The following CNTNAP2 variants were observed in gnomAD, a reference collection of about 807,000 sequenced individuals.
CNTNAP2 encodes contactin-associated protein-like 2.
In CNTNAP2, 98 loss-of-function variants were observed where a neutral mutation model predicts 155.2. That is an observed-to-expected ratio of 0.63 (90% CI 0.54 to 0.75). The LOEUF is 0.75. Ranked by LOEUF, CNTNAP2 falls within the 30% of genes least tolerant of loss-of-function variation. CNTNAP2 has a pLI of 0.00. For missense variants in CNTNAP2, 1,727 were observed against 1,688.1 expected (o/e 1.02, Z -0.40); for synonymous variants, 651 against 631.2 (o/e 1.03, Z -0.47).
At chr7:147,450,026 G>A (rs1385074339) in intron 10 of CNTNAP2, among the ~76,000 whole-genome samples, 3 of 152,102 alleles carry the variant, frequency 2.0e-5, no homozygotes, top group Non-Finnish European at 4.4e-5. Context: ...CCCCAACCAA[G>A]GGTGTCCTGT....
At chr7:146,913,612 C>A (rs569477289) in intron 3 of CNTNAP2, among the ~76,000 whole-genome samples, 1 of 152,132 alleles carries the variant, frequency 6.6e-6, no homozygotes. Flanking sequence ...GCACAGAGCT[C>A]AAAGAAGCAA....
chr7:146,553,917 A>T (rs969502200), intron 1 of CNTNAP2, among the ~76,000 whole-genome samples: 16 of 152,044 alleles, frequency 1.1e-4, no homozygotes, highest in African/African-American at 3.9e-4. Flanking sequence ...AAATGATGTG[A>T]TTTTTTCTTT....
rs919441761 is a variant in CNTNAP2, at chr7:148,118,539, G to A, written c.2554+251G>A. The stretch of plus-strand genomic sequence containing the variant: ...TCAAGAAGATGAGAGAGAACACACC[G>A]CCCTGAGAATGTGGGAGAGGAATGT... On this transcript the variant is annotated intron_variant, in intron 16 of 23. Transcript: ENST00000361727. Among the ~76,000 whole-genome samples the A allele has an allele frequency of 9.2e-5, 14 of 152,258 alleles. No homozygotes were observed. In the East Asian group the frequency reaches 9.7e-4, roughly 11 times the overall value.
intron 10 of CNTNAP2, among the ~76,000 whole-genome samples, chr7:147,398,849 A>T (rs1187779982): frequency 6.6e-6 from 1 of 150,874 alleles, no homozygotes; most frequent in Non-Finnish European, 1.5e-5. Flanking sequence ...GGAAGGAGAG[A>T]TGACAAACTC....
chr7:147,334,671 G>A (rs1439601122), intron 9 of CNTNAP2, among the ~76,000 whole-genome samples: 2 of 152,148 alleles, frequency 1.3e-5, no homozygotes, highest in African/African-American at 2.4e-5. Flanking sequence ...CTGAGAAGGA[G>A]CCAGTGAGAT....
intron 4 of CNTNAP2, among the ~76,000 whole-genome samples, chr7:147,101,518 C>T (rs368715592): frequency 1.3e-5 from 2 of 152,206 alleles, no homozygotes; most frequent in East Asian, 3.9e-4. Flanking sequence ...GGGTGACAGC[C>T]TTTTATACCC....
At chr7:147,140,362 A>ACTGC (rs113437379) in intron 8 of CNTNAP2, among the ~76,000 whole-genome samples, 1,755 of 152,044 alleles carry the variant, frequency 0.012, 35 homozygotes, top group African/African-American at 0.04. Flanking sequence ...ATATTGGAGT[A>ACTGC]CTGCTCACCT....
chr7:147,745,462 A>G (rs1797022924), intron 13 of CNTNAP2, among the ~76,000 whole-genome samples: 1 of 152,212 alleles, frequency 6.6e-6, no homozygotes, highest in Non-Finnish European at 1.5e-5. Context: ...CAACCTACAC[A>G]TCCCTGTCAA....
chr7:147,365,451 G>A (rs919855294), intron 9 of CNTNAP2, among the ~76,000 whole-genome samples: 2 of 143,824 alleles, frequency 1.4e-5, no homozygotes, highest in Non-Finnish European at 3.0e-5. Flanking sequence ...CGTTCCTATT[G>A]TTTCTGGCTA....
intron 1 of CNTNAP2, among the ~76,000 whole-genome samples, chr7:146,357,493 A>G (rs554436923): frequency 1.4e-3 from 214 of 152,218 alleles, no homozygotes; most frequent in African/African-American, 5.0e-3. Context: ...CATCTTATAG[A>G]TAAGATATAC....
chr7:146,348,524 C>A (rs1393012359), intron 1 of CNTNAP2, among the ~76,000 whole-genome samples: 1 of 151,908 alleles, frequency 6.6e-6, no homozygotes, highest in Non-Finnish European at 1.5e-5. Flanking sequence ...CTAAATAGTC[C>A]CCAAAGTGTA....
chr7:146,187,506 T>C (rs1004031460), intron 1 of CNTNAP2, among the ~76,000 whole-genome samples: 2 of 152,232 alleles, frequency 1.3e-5, no homozygotes, highest in African/African-American at 4.8e-5. Context: ...TATCACAGAA[T>C]CAAATCCCAT....
chr7:148,339,923 C>T (rs529668001), intron 21 of CNTNAP2, among the ~76,000 whole-genome samples: 24 of 151,324 alleles, frequency 1.6e-4, no homozygotes, highest in Admixed American at 1.5e-3. Context: ...GGTCACTGCA[C>T]GGGGAGCAAG....
intron 1 of CNTNAP2, among the ~76,000 whole-genome samples, chr7:146,276,999 A>G (rs1176123865): frequency 6.6e-6 from 1 of 152,216 alleles, no homozygotes; most frequent in Non-Finnish European, 1.5e-5. Context: ...AAAGATTTAA[A>G]GATGAGATCA....
At chr7:146,797,673 G>C (rs1225645775) in intron 2 of CNTNAP2, among the ~76,000 whole-genome samples, 1 of 152,194 alleles carries the variant, frequency 6.6e-6, no homozygotes, top group Non-Finnish European at 1.5e-5. Context: ...TTCAGAGATA[G>C]AAAGATGCTA....
intron 3 of CNTNAP2, among the ~76,000 whole-genome samples, chr7:146,896,489 T>C (rs1007506510): frequency 6.6e-6 from 1 of 152,118 alleles, no homozygotes; most frequent in East Asian, 1.9e-4. Context: ...AACTATTTTT[T>C]AAATATTTCT....
At chr7:147,283,576 T>C (rs1805103087) in intron 8 of CNTNAP2, among the ~76,000 whole-genome samples, 1 of 151,834 alleles carries the variant, frequency 6.6e-6, no homozygotes, top group Non-Finnish European at 1.5e-5. Context: ...AATAAGAAAA[T>C]GATAATTACT....
intron 13 of CNTNAP2, among the ~76,000 whole-genome samples, chr7:147,696,364 T>G (rs1334128509): frequency 2.0e-5 from 3 of 152,216 alleles, no homozygotes; most frequent in African/African-American, 7.2e-5. Flanking sequence ...TTTTTACTTC[T>G]TAAGTGGTTG....
chr7:147,087,690 A>G (rs1800308854), intron 4 of CNTNAP2, among the ~76,000 whole-genome samples: 1 of 152,126 alleles, frequency 6.6e-6, no homozygotes, highest in Admixed American at 6.6e-5. Context: ...AAGAAAAATA[A>G]TCAAGGCCGG....
Sources: allele counts gnomAD v4.1 joint callset (sites outside exome capture counted in the v4.1 genomes callset), GRCh38; gene constraint gnomAD v4.1.1; transcripts MANE v1.5; gene names NCBI Gene and HGNC (gene_info 2026-07-23, HGNC 2026-07-21).